The following ACAD9 variants were observed in gnomAD, a reference collection of about 807,000 sequenced individuals.
The protein encoded by ACAD9 is complex I assembly factor ACAD9, mitochondrial.
Under a neutral mutation model 70.2 loss-of-function variants are expected in ACAD9, and 53 were observed. The ratio of observed to expected loss-of-function variants is 0.75; its 90% confidence interval spans 0.61 to 0.95. ACAD9 has a LOEUF of 0.95. ACAD9 is among the 40% of genes least tolerant of loss of function. The pLI is 0.00. For missense variants in ACAD9, 777 were observed against 802.8 expected, an observed-to-expected ratio of 0.97 and a Z score of 0.39; for synonymous variants, 313 against 312.1, an observed-to-expected ratio of 1.00 and a Z score of -0.03.
At chr3:128,885,291 G>A (rs1935212806) in intron 2 of ACAD9, among the ~76,000 whole-genome samples, 1 of 152,230 alleles carries the variant, frequency 6.6e-6, no homozygotes, top group Admixed American at 6.5e-5. Context: ...AGTGATGGTG[G>A]ATGGACAGCA....
intron 15 of ACAD9, chr3:128,909,721 T>C (rs1041367581): frequency 6.7e-6 from 4 of 598,866 alleles, no homozygotes; most frequent in South Asian, 6.0e-5. Flanking sequence ...AGGGACCTGA[T>C]TGGTGGGGCC....
At chr3:128,896,177 G>A (rs1935562844) in intron 4 of ACAD9, among the ~76,000 whole-genome samples, 1 of 152,224 alleles carries the variant, frequency 6.6e-6, no homozygotes, top group Non-Finnish European at 1.5e-5. Flanking sequence ...TCTGGGAAAT[G>A]AAGGAACTGA....
chr3:128,906,198 C>A lies in ACAD9; in HGVS notation c.1227C>A (p.Asp409Glu), dbSNP rs1203321623. The change falls in exon 12 of 18, where the codon GAC becomes GAA. Residue 409 changes from aspartate (D) to glutamate (E), a missense_variant. Asp to Glu is a conservative substitution (Grantham distance 45). Transcript: ENST00000308982. ...TCGGGGGCTTGGGCTACACAAGGGA[C>A]TATCCGTACGAGCGCATACTGCGTG... Reference protein sequence around the residue: ...QILGGLGYTRDYPYERILRDT... With the variant: ...QILGGLGYTREYPYERILRDT... 6.2e-7 allele frequency: 1 copy of A among 1,614,116 alleles called. No homozygotes were observed. The highest frequency in any genetic ancestry group is 8.5e-7 in the Non-Finnish European group (1 of 1,180,056).
At chr3:128,880,520 G>C (rs966936117) in intron 1 of ACAD9, among the ~76,000 whole-genome samples, 3 of 151,308 alleles carry the variant, frequency 2.0e-5, no homozygotes, top group Non-Finnish European at 4.4e-5. Flanking sequence ...AGCCTCCGGA[G>C]TAGCTGGGAT....
At chr3:128,903,011 A>C (rs527494177) in intron 9 of ACAD9, among the ~76,000 whole-genome samples, 1 of 152,122 alleles carries the variant, frequency 6.6e-6, no homozygotes, top group East Asian at 1.9e-4. Context: ...TCTGGTTCCC[A>C]AGGTCCGTGC....
At position 128,909,381 on chromosome 3, in the gene ACAD9, TCGGC is replaced by T; in HGVS notation, c.1527_1530del (p.Arg510ProfsTer20). 1 of 1,614,170 alleles carries T rather than the reference TCGGC, an allele frequency of 6.2e-7. No individual in the cohort carries two copies. The highest frequency in any genetic ancestry group is 8.5e-7 in the Non-Finnish European group (1 of 1,180,030). On this transcript the variant is annotated frameshift_variant, in exon 15 of 18. Coordinates refer to ENST00000308982, the MANE Select transcript of ACAD9 (RefSeq NM_014049.5). LOFTEE classifies it high-confidence loss of function. ...AAGTTTGAGGAGAACACCTACTGCT[TCGGC>T]CGGACCGTGGAGACACTGCTGCTCC...
chr3:128,909,816 C>T (rs1195435836), intron 15 of ACAD9: 1 of 730,276 alleles, frequency 1.4e-6, no homozygotes, highest in East Asian at 2.7e-5. Flanking sequence ...GCCTTAACCC[C>T]TCCCTGAATC....
At chr3:128,909,904 C>G in intron 15 of ACAD9, 117 bp from the exon 16 acceptor site, 1 of 1,420,346 alleles carries the variant, frequency 7.0e-7, no homozygotes, top group Non-Finnish European at 9.8e-7. Context: ...GTGTTATTGA[C>G]TCCACTTTCT....
intron 2 of ACAD9, among the ~76,000 whole-genome samples, chr3:128,885,141 G>A (rs1004647340): frequency 1.4e-4 from 22 of 152,174 alleles, no homozygotes; most frequent in African/African-American, 5.3e-4. Context: ...TTCAATTTCT[G>A]TACTTTGGTA....
chr3:128,898,437 G>A (rs558754410), intron 6 of ACAD9: 94 of 451,626 alleles, frequency 2.1e-4, no homozygotes, highest in South Asian at 1.0e-3. Flanking sequence ...ACAGGGTCCC[G>A]CTCTGTCACC....
intron 13 of ACAD9, 79 bp downstream of exon 13, chr3:128,908,343 G>C: frequency 1.3e-6 from 2 of 1,533,548 alleles, no homozygotes; most frequent in Non-Finnish European, 9.0e-7. Flanking sequence ...TGGGAGGAAA[G>C]AGCTGCCTTG....
At chr3:128,885,756 C>G (rs1935226183) in intron 2 of ACAD9, among the ~76,000 whole-genome samples, 1 of 152,042 alleles carries the variant, frequency 6.6e-6, no homozygotes. Flanking sequence ...GTGGCTCACG[C>G]CTGTAATCCC....
intron 2 of ACAD9, among the ~76,000 whole-genome samples, chr3:128,888,188 A>AC (rs1245892433): frequency 6.6e-6 from 1 of 152,196 alleles, no homozygotes; most frequent in African/African-American, 2.4e-5. Context: ...GGTACTTTGG[A>AC]CTATATATTG....
chr3:128,908,955 A>G lies in ACAD9; in HGVS notation c.1359-18A>G, dbSNP rs1352172179. On this transcript the variant is annotated intron_variant, in intron 13 of 17. Transcript: ENST00000308982. ...CAGCAGCGAGGCCTCCAGTCACAGG[A>G]CCATGGACTTTCTGCAGTGAGCTTA... 6.2e-7 allele frequency: 1 copy of G among 1,614,022 alleles called. No homozygotes were observed. The highest frequency in any genetic ancestry group is 1.7e-5 in the Admixed American group (1 of 60,028).
In ACAD9 at chr3:128,912,755, G is replaced by A. The variant is rs1267195636; in HGVS notation, c.*148G>A. 2 of 799,358 alleles carry A rather than the reference G, an allele frequency of 2.5e-6. No individual in the cohort carries two copies. The highest frequency in any genetic ancestry group is 5.0e-5 in the East Asian group (2 of 40,372). 49.5% of individuals were successfully genotyped at this position (799,358 alleles called of 1,614,324 possible). ...CACCTGAAGGGTTGTCGCCTGGCCT[G>A]GGAGAGCCTCTTCCAGGTTTTGACC... On this transcript the variant is annotated 3_prime_UTR_variant, in exon 18 of 18. Coordinates refer to ENST00000308982, the MANE Select transcript of ACAD9 (RefSeq NM_014049.5).
intron 2 of ACAD9, among the ~76,000 whole-genome samples, chr3:128,891,868 T>A (rs1179248884): frequency 6.6e-6 from 1 of 152,266 alleles, no homozygotes; most frequent in Admixed American, 6.5e-5. Flanking sequence ...ACATTTATTT[T>A]GCTTGGAGTT....
At position 128,893,026 on chromosome 3, in the gene ACAD9, C is replaced by CA. The variant is rs1335096373; in HGVS notation, c.245-528dup. 2.0e-5 allele frequency among the ~76,000 whole-genome samples: 3 copies of CA among 152,054 alleles called. No individual in the cohort carries two copies. In the East Asian group the frequency reaches 5.8e-4, roughly 29 times the overall value. Reference sequence around the variant, plus strand: ...CTAGCACCCAGATCAAGAAATAGAACACCACCTAGCTCTGGCAGCTTTTAA... The same window carrying CA: ...CTAGCACCCAGATCAAGAAATAGAACAACCACCTAGCTCTGGCAGCTTTTAA... On this transcript the variant is annotated intron_variant, in intron 2 of 17. Coordinates refer to ENST00000308982, the MANE Select transcript of ACAD9 (RefSeq NM_014049.5).
intron 2 of ACAD9, among the ~76,000 whole-genome samples, chr3:128,886,326 C>CAGGA (rs1559818914): frequency 6.6e-6 from 1 of 151,940 alleles, no homozygotes; most frequent in Non-Finnish European, 1.5e-5. Flanking sequence ...TGGTCTTGAA[C>CAGGA]TCCTGACCTC....
At chr3:128,903,332 G>A (rs944580164) in intron 9 of ACAD9, among the ~76,000 whole-genome samples, 6 of 152,176 alleles carry the variant, frequency 3.9e-5, no homozygotes, top group African/African-American at 1.4e-4. Flanking sequence ...GAGGGCAAGC[G>A]ATTTGTTCCA....
Sources: allele counts gnomAD v4.1 joint callset (sites outside exome capture counted in the v4.1 genomes callset), GRCh38; gene constraint gnomAD v4.1.1; transcripts MANE v1.5; gene names NCBI Gene and HGNC (gene_info 2026-07-23, HGNC 2026-07-21).